WDR49: variants seen among roughly 807,000 people sequenced by gnomAD.
The protein encoded by WDR49 is WD repeat domain 49.
WDR49 carries 107 observed loss-of-function variants against 119.5 expected under a neutral mutation model. The ratio of observed to expected loss-of-function variants is 0.90; its 90% CI spans 0.77 to 1.05. WDR49 has a LOEUF of 1.05. Ranked by LOEUF, WDR49 falls within the 50% of genes least tolerant of loss-of-function variation. The pLI is 0.00. For missense variants in WDR49, 1,240 were observed against 1,220.5 expected, an observed-to-expected ratio of 1.02 and a Z score of -0.24; for synonymous variants, 425 against 418.8, an observed-to-expected ratio of 1.01 and a Z score of -0.18.
Position 167,485,977 on chromosome 3 carries a change from G to GA in WDR49, c.3032-6982dup, listed in dbSNP as rs573323450. Among the ~76,000 whole-genome samples, 33 of 144,070 alleles carry GA rather than the reference G, an allele frequency of 2.3e-4. 1 individual carries two copies. Among genetic ancestry groups the GA allele is most frequent in the African/African-American group, 5.3e-4 (21 of 39,348 alleles). The allele number at this position is 144,070 out of a possible 152,430, so 94.5% of individuals were successfully genotyped here. ...CAGATTCACCAAGGTCAATGCAAAAGAAAAAAAAAAGGCAGTTAGAAAGAA... is the reference window on the plus strand; with the variant it reads ...CAGATTCACCAAGGTCAATGCAAAAGAAAAAAAAAAAGGCAGTTAGAAAGAA... On this transcript the variant is annotated intron_variant, in intron 18 of 18. Coordinates refer to ENST00000682715, the MANE Select transcript of WDR49 (RefSeq NM_001366157.1).
rs541952129 is a variant in WDR49 at position 167,554,728 on chromosome 3, T to C, written c.1745A>G (p.Gln582Arg). The change falls in exon 10 of 19, where the codon CAA becomes CGA. Residue 582 changes from glutamine to arginine, a missense_variant. Coordinates refer to ENST00000682715, the MANE Select transcript of WDR49 (RefSeq NM_001366157.1). ...TATTTTCTTCTTAAGAATGAGGATT[T>C]GTGAAATATCCACAGCTCCATCTTG... Reference protein sequence around the residue: ...VGQDGAVDISQILILKKKILV... With the variant: ...VGQDGAVDISRILILKKKILV... The C allele has an allele frequency of 1.2e-6, 2 of 1,613,660 alleles. No individual in the cohort carries two copies. Among genetic ancestry groups the C allele is most frequent in the South Asian group, 2.2e-5 (2 of 91,012 alleles).
intron 2 of WDR49, among the ~76,000 whole-genome samples, chr3:167,644,680 G>A (rs1484549994): frequency 6.6e-6 from 1 of 152,102 alleles, no homozygotes; most frequent in African/African-American, 2.4e-5. Flanking sequence ...ATTTAGGGAA[G>A]CTTGGAGGAT....
At chr3:167,498,876 G>A (rs558069106) in intron 18 of WDR49, among the ~76,000 whole-genome samples, 1 of 152,196 alleles carries the variant, frequency 6.6e-6, no homozygotes, top group South Asian at 2.1e-4. Flanking sequence ...GGAAAAGTGG[G>A]GTAGACAGCA....
At chr3:167,646,146 G>T (rs1399586194) in intron 2 of WDR49, among the ~76,000 whole-genome samples, 1 of 152,126 alleles carries the variant, frequency 6.6e-6, no homozygotes, top group Non-Finnish European at 1.5e-5. Flanking sequence ...AGATAATTTT[G>T]TGATGGACTC....
intron 18 of WDR49, 47 bp downstream of exon 18, chr3:167,500,104 AAG>A: frequency 6.8e-7 from 1 of 1,479,216 alleles, no homozygotes; most frequent in South Asian, 1.5e-5. Flanking sequence ...TTAAATGACT[AAG>A]TTTCCTGAAG....
chr3:167,569,910 A>G (rs1393310898), intron 8 of WDR49, among the ~76,000 whole-genome samples: 1 of 152,080 alleles, frequency 6.6e-6, no homozygotes, highest in East Asian at 1.9e-4. Context: ...GTTGTTTTGA[A>G]TTTTTCAACA....
At chr3:167,624,624 A>T (rs1717039867) in intron 3 of WDR49, among the ~76,000 whole-genome samples, 1 of 152,100 alleles carries the variant, frequency 6.6e-6, no homozygotes, top group African/African-American at 2.4e-5. Context: ...TTGTATAATT[A>T]TATTTCAATA....
intron 8 of WDR49, among the ~76,000 whole-genome samples, chr3:167,567,551 T>C (rs960911458): frequency 2.0e-5 from 3 of 152,218 alleles, no homozygotes; most frequent in African/African-American, 7.2e-5. Context: ...ATAACAATGA[T>C]GGCATCTTCA....
chr3:167,613,186 C>A lies in WDR49; in HGVS notation c.958+7243G>T, dbSNP rs755972327. 2.4e-4 allele frequency among the ~76,000 whole-genome samples: 37 copies of A among 151,966 alleles called. 1 individual carries two copies. The highest frequency in any genetic ancestry group is 1.2e-4 in the Non-Finnish European group (8 of 68,010). ...ATAAATATATACACCTACTCTGTAT[C>A]CACACACACAAGAAAATTTAAATTA... On this transcript the variant is annotated intron_variant, in intron 5 of 18. Coordinates refer to ENST00000682715, the MANE Select transcript of WDR49 (RefSeq NM_001366157.1).
chr3:167,537,584 C>G (rs112040531), intron 10 of WDR49, among the ~76,000 whole-genome samples: 3 of 152,106 alleles, frequency 2.0e-5, no homozygotes, highest in African/African-American at 4.8e-5. Flanking sequence ...AGGACAGATA[C>G]ATTTTGAACA....
At chr3:167,571,554 T>C (rs1429407533) in intron 8 of WDR49, among the ~76,000 whole-genome samples, 1 of 152,178 alleles carries the variant, frequency 6.6e-6, no homozygotes, top group Non-Finnish European at 1.5e-5. Context: ...ATCAGTAAAT[T>C]ACGATACATA....
At chr3:167,598,169 G>A (rs533706245) in intron 7 of WDR49, among the ~76,000 whole-genome samples, 90 of 152,104 alleles carry the variant, frequency 5.9e-4, no homozygotes, top group Admixed American at 1.7e-3. Context: ...GCTGGGCATG[G>A]TGGCAGGTGC....
chr3:167,577,046 C>A (rs937296957), intron 7 of WDR49, among the ~76,000 whole-genome samples: 2 of 152,138 alleles, frequency 1.3e-5, no homozygotes, highest in African/African-American at 2.4e-5. Context: ...ATATTAAATT[C>A]TTATTCAAAC....
Position 167,627,725 on chromosome 3 carries a change from C to G in WDR49, c.166-433G>C, listed in dbSNP as rs148969184. Among the ~76,000 whole-genome samples the G allele has an allele frequency of 3.5e-3, 533 of 152,118 alleles. 2 individuals carry two copies. The highest frequency in any genetic ancestry group is 0.01 in the Middle Eastern group (3 of 294). ...AAAACCCATTTGGGGCTTCTGAACTCCAGAACTGTATATTAATATATTTGT... is the reference window on the plus strand; with the variant it reads ...AAAACCCATTTGGGGCTTCTGAACTGCAGAACTGTATATTAATATATTTGT... On this transcript the variant is annotated intron_variant, in intron 2 of 18. Transcript: ENST00000682715.
chr3:167,538,126 A>T (rs577314602), intron 10 of WDR49, among the ~76,000 whole-genome samples: 1 of 152,206 alleles, frequency 6.6e-6, no homozygotes, highest in Non-Finnish European at 1.5e-5. Flanking sequence ...TAGAGATTTC[A>T]TATATCACCA....
chr3:167,568,744 C>A (rs769664501), intron 8 of WDR49, among the ~76,000 whole-genome samples: 5 of 151,962 alleles, frequency 3.3e-5, no homozygotes, highest in Non-Finnish European at 7.4e-5. Flanking sequence ...TATGGTACTG[C>A]AATAAACAAG....
chr3:167,542,199 G>C (rs2108254040), intron 10 of WDR49, among the ~76,000 whole-genome samples: 3 of 152,230 alleles, frequency 2.0e-5, no homozygotes, highest in Middle Eastern at 3.4e-3. Context: ...GGGGACTTCA[G>C]TACTGCACTG....
In WDR49 at chr3:167,617,485, C is replaced by A. The variant is rs570243714; in HGVS notation, c.958+2944G>T. 3.3e-5 allele frequency among the ~76,000 whole-genome samples: 5 copies of A among 152,332 alleles called. No homozygotes were observed. In the East Asian group the frequency reaches 9.6e-4, roughly 29 times the overall value. ...ATGTTGCAGTGAGCCAAGATCGCAC[C>A]ACTGCACTCCAGCCTGGGCGACAGT... On this transcript the variant is annotated intron_variant, in intron 5 of 18. Coordinates refer to ENST00000682715, the MANE Select transcript of WDR49 (RefSeq NM_001366157.1).
chr3:167,632,404 C>T lies in WDR49; in HGVS notation c.166-5112G>A, dbSNP rs143456114. ...TACCAATATCCACTGGGGAAAGAGA[C>T]AAGAAATATGCCTAGGTTATGAAAT... is the stretch of plus-strand genomic sequence containing the variant. On this transcript the variant is annotated intron_variant, in intron 2 of 18. Coordinates refer to ENST00000682715, the MANE Select transcript of WDR49 (RefSeq NM_001366157.1). Among the ~76,000 whole-genome samples, 616 of 152,028 alleles carry T rather than the reference C, an allele frequency of 4.1e-3. 6 individuals carry two copies. The highest frequency in any genetic ancestry group is 0.014 in the African/African-American group (587 of 41,496).
Sources: gnomAD v4.1 joint callset for allele counts (sites outside exome capture counted in the v4.1 genomes callset) on GRCh38, gnomAD v4.1.1 for gene constraint, MANE v1.5 for transcripts, NCBI Gene and HGNC (gene_info 2026-07-23, HGNC 2026-07-21) for gene names.